Variants in PPT1 observed in about 807,000 individuals in gnomAD.
PPT1 encodes palmitoyl-protein thioesterase 1, also known as ceroid-palmitoyl-palmitoyl-protein thioesterase 1.
Under a neutral mutation model 44.0 loss-of-function variants are expected in PPT1, and 24 were observed. The observed-to-expected ratio is 0.54, with a 90% CI of 0.39 to 0.77. The LOEUF is 0.77. Among genes scored for constraint, PPT1 ranks in the 30% least tolerant of loss-of-function variants. The pLI is 0.00. For synonymous variants in PPT1, 148 were observed against 140.2 expected (o/e 1.06, Z -0.39); for missense variants, 341 against 378.8 (o/e 0.90, Z 0.83).
At chr1:40,091,196 T>C in intron 4 of PPT1, 133 bp downstream of exon 4, 1 of 949,870 alleles carries the variant, frequency 1.1e-6, no homozygotes, top group Non-Finnish European at 1.7e-6. Context: ...GGCTAGTTTG[T>C]TAAAAGCTAG....
chr1:40,086,880 G>C (rs1049357881), intron 5 of PPT1, among the ~76,000 whole-genome samples: 1 of 151,894 alleles, frequency 6.6e-6, no homozygotes, highest in Non-Finnish European at 1.5e-5. Flanking sequence ...TGAGGCTTTA[G>C]GCACCAACAG....
At chr1:40,096,998 G>A in intron 1 of PPT1, 117 bp downstream of exon 1, 1 of 1,569,890 alleles carries the variant, frequency 6.4e-7, no homozygotes, top group African/African-American at 1.4e-5. Context: ...AAAATGTCGA[G>A]GCAGCCGCGT....
rs2124465880 is a variant in PPT1, at chr1:40,074,238, A to G, written c.799-55T>C. On this transcript the variant is annotated intron_variant, in intron 8 of 8. Coordinates refer to ENST00000642050, the MANE Select transcript of PPT1 (RefSeq NM_000310.4). ...AAAGCTTAATGAAGTTTTGGAGTAA[A>G]ATGGTAAGTACGTTAACTTGAGATA... 6 of 1,601,532 alleles carry G rather than the reference A, an allele frequency of 3.7e-6. No homozygotes were observed. In the South Asian group the frequency reaches 5.5e-5, roughly 15 times the overall value.
chr1:40,095,809 G>C (rs116623591), intron 1 of PPT1, among the ~76,000 whole-genome samples: 3,338 of 152,068 alleles, frequency 0.022, 120 homozygotes, highest in African/African-American at 0.077. Context: ...CATCCATGAC[G>C]CCCTACGATC....
At chr1:40,080,508 G>A in intron 5 of PPT1, 21 bp from the exon 6 acceptor site, 1 of 1,608,830 alleles carries the variant, frequency 6.2e-7, no homozygotes, top group Admixed American at 1.7e-5. Flanking sequence ...AAAAAAGAAT[G>A]AGGTGATCAA....
At chr1:40,084,892 T>C (rs1649171502) in intron 5 of PPT1, among the ~76,000 whole-genome samples, 1 of 152,230 alleles carries the variant, frequency 6.6e-6, no homozygotes, top group South Asian at 2.1e-4. Flanking sequence ...CTCCTTGGTC[T>C]AGCGGTAATG....
At chr1:40,080,003 G>A (rs1282881200) in intron 6 of PPT1, among the ~76,000 whole-genome samples, 1 of 152,132 alleles carries the variant, frequency 6.6e-6, no homozygotes, top group Admixed American at 6.5e-5. Flanking sequence ...ACCAAACCAT[G>A]TTTGTGTCTG....
In PPT1 at chr1:40,079,951, A is replaced by G. The variant is rs545945208; in HGVS notation, c.627+446T>C. Among the ~76,000 whole-genome samples the G allele has an allele frequency of 5.9e-5, 9 of 152,348 alleles. No homozygotes were observed. In the South Asian group the frequency reaches 1.7e-3, roughly 28 times the overall value. ...AACAAAAAACCAAAAGACTCTCCAG[A>G]TGAGTCAAATATAAACTGAGCCATC... On this transcript the variant is annotated intron_variant, in intron 6 of 8. Coordinates refer to ENST00000642050, the MANE Select transcript of PPT1 (RefSeq NM_000310.4).
chr1:40,091,250 T>C lies in PPT1; in HGVS notation c.433+79A>G, dbSNP rs3122439. The C allele has an allele frequency of 1, 1,403,390 of 1,404,932 alleles. 700,946 individuals are homozygous for C. Among genetic ancestry groups the C allele is most frequent in the East Asian group, 1 (43,110 of 43,110 alleles). 87.0% of individuals were successfully genotyped at this position (1,404,932 alleles called of 1,614,324 possible). ...GAATGGCTGATGTCTTGTGCAAATATAGTTCCTAGATTTTTTTTTAAATCA... is the reference window on the plus strand; with the variant it reads ...GAATGGCTGATGTCTTGTGCAAATACAGTTCCTAGATTTTTTTTTAAATCA... On this transcript the variant is annotated intron_variant, in intron 4 of 8. Transcript: ENST00000642050.
At chr1:40,097,037 A>G (rs542780546) in intron 1 of PPT1, 78 bp downstream of exon 1, 1 of 1,611,624 alleles carries the variant, frequency 6.2e-7, no homozygotes, top group South Asian at 1.1e-5. Flanking sequence ...CGCCCTCTAC[A>G]CCCGCATTTT....
At chr1:40,093,747 T>C (rs1450942988) in intron 1 of PPT1, among the ~76,000 whole-genome samples, 2 of 103,846 alleles carry the variant, frequency 1.9e-5, no homozygotes, top group Admixed American at 2.2e-4. Context: ...TAGCCGGGTG[T>C]GGTGGCACAT....
At chr1:40,076,951 A>C in intron 7 of PPT1, 38 bp from the exon 8 acceptor site, 2 of 1,610,676 alleles carry the variant, frequency 1.2e-6, no homozygotes, top group Non-Finnish European at 1.7e-6. Flanking sequence ...CAGATATGAC[A>C]CACAGCACAT....
intron 8 of PPT1, 179 bp downstream of exon 8, chr1:40,076,663 G>C (rs1648646807): frequency 2.1e-6 from 3 of 1,447,516 alleles, no homozygotes; most frequent in South Asian, 1.4e-5. Flanking sequence ...TAATAAGCTA[G>C]AGCACATAAT....
chr1:40,080,545 G>C (rs1265992609), intron 5 of PPT1, 58 bp from the exon 6 acceptor site: 4 of 1,532,840 alleles, frequency 2.6e-6, no homozygotes, highest in Non-Finnish European at 2.7e-6. Flanking sequence ...TACGCCCAGG[G>C]CATGCTCAGT....
In PPT1 at chr1:40,097,239, C is replaced by A; in HGVS notation, c.-1G>T. ...GCCACAGGCAGCCGGGCGACGCCAT[C>A]TTCGCTGTGTCACATGACCGCGGGC... On this transcript the variant is annotated 5_prime_UTR_variant, in exon 1 of 9. Coordinates refer to ENST00000642050, the MANE Select transcript of PPT1 (RefSeq NM_000310.4). 1 of 1,613,832 alleles carries A rather than the reference C, an allele frequency of 6.2e-7. No individual in the cohort carries two copies. Among genetic ancestry groups the A allele is most frequent in the Non-Finnish European group, 8.5e-7 (1 of 1,179,850 alleles).
In PPT1 at chr1:40,073,855, A is replaced by T; in HGVS notation, c.*206T>A. On this transcript the variant is annotated 3_prime_UTR_variant, in exon 9 of 9. Coordinates refer to ENST00000642050, the MANE Select transcript of PPT1 (RefSeq NM_000310.4). ...TTGTAAAACAATCTCCATGGTAATT[A>T]AACTTGCATTCAACACCATATGGTA... The T allele has an allele frequency of 1.4e-6, 1 of 713,512 alleles. No homozygotes were observed. The highest frequency in any genetic ancestry group is 2.4e-6 in the Non-Finnish European group (1 of 423,478). 44.2% of individuals were successfully genotyped at this position (713,512 alleles called of 1,614,324 possible).
chr1:40,096,527 A>T (rs1419156198), intron 1 of PPT1, among the ~76,000 whole-genome samples: 1 of 152,006 alleles, frequency 6.6e-6, no homozygotes, highest in Non-Finnish European at 1.5e-5. Context: ...GCACAAAATT[A>T]TTTAAAATAT....
chr1:40,079,500 G>A (rs1473747987), intron 6 of PPT1, among the ~76,000 whole-genome samples: 8 of 146,240 alleles, frequency 5.5e-5, no homozygotes, highest in Middle Eastern at 7.1e-3. Flanking sequence ...AGGTTCAAGC[G>A]ATTCTCCTGC....
chr1:40,075,477 C>CTT lies in PPT1; in HGVS notation c.799-1296_799-1295dup, dbSNP rs5773686. On this transcript the variant is annotated intron_variant, in intron 8 of 8. Coordinates refer to ENST00000642050, the MANE Select transcript of PPT1 (RefSeq NM_000310.4). Reference sequence around the variant, plus strand: ...AGTTCTTAGCTGTAATTTCTCAAGCCTTTTTTTTTTTTTTTCTCAAATCAG... The same window carrying CTT: ...AGTTCTTAGCTGTAATTTCTCAAGCCTTTTTTTTTTTTTTTTTCTCAAATCAG... Among the ~76,000 whole-genome samples, 293 of 144,702 alleles carry CTT rather than the reference C, an allele frequency of 2.0e-3. 2 individuals are homozygous for CTT. The highest frequency in any genetic ancestry group is 5.8e-3 in the South Asian group (27 of 4,646). 94.9% of individuals were successfully genotyped at this position (144,702 alleles called of 152,430 possible).
Sources: allele counts gnomAD v4.1 joint callset (sites outside exome capture counted in the v4.1 genomes callset), GRCh38; gene constraint gnomAD v4.1.1; transcripts MANE v1.5; gene names NCBI Gene and HGNC (gene_info 2026-07-23, HGNC 2026-07-21).